KCNIP4: variants seen among roughly 807,000 people sequenced by gnomAD.
KCNIP4 encodes the protein Kv channel-interacting protein 4.
A neutral mutation model predicts 34.0 loss-of-function variants in KCNIP4; 12 were observed. The observed-to-expected ratio is 0.35, with a 90% confidence interval of 0.23 to 0.57. The LOEUF (loss-of-function observed/expected upper bound fraction) is 0.57, where lower values mean the gene tolerates loss of function less well. Among genes scored for constraint, KCNIP4 ranks in the 20% least tolerant of loss-of-function variants. KCNIP4 has a pLI of 0.83. For synonymous variants in KCNIP4, 124 were observed against 102.2 expected (o/e 1.21, Z -1.29); for missense variants, 238 against 311.7 (o/e 0.76, Z 1.78).
intron 1 of KCNIP4, among the ~76,000 whole-genome samples, chr4:21,094,300 T>G (rs1455627432): frequency 6.6e-6 from 1 of 152,074 alleles, no homozygotes; most frequent in African/African-American, 2.4e-5. Flanking sequence ...ACAGAAAAAT[T>G]ACAACTTCCT....
Position 21,291,909 on chromosome 4 carries a change from AAG to A in KCNIP4, c.62-409202_62-409201del, listed in dbSNP as rs1175251036. On this transcript the variant is annotated intron_variant, in intron 1 of 8. Coordinates refer to ENST00000382152, the MANE Select transcript of KCNIP4 (RefSeq NM_025221.6). Reference sequence around the variant, plus strand: ...AAAGAAAGAAAGAAAGAAAGAAAGAAAGAAAGAAAGAAAGAAAGAAAGAAAGA... The same window carrying A: ...AAAGAAAGAAAGAAAGAAAGAAAGAAAAAGAAAGAAAGAAAGAAAGAAAGA... Among the ~76,000 whole-genome samples the A allele has an allele frequency of 8.9e-5, 8 of 90,010 alleles. 1 individual carries two copies. Among genetic ancestry groups the A allele is most frequent in the South Asian group, 3.8e-4 (1 of 2,630 alleles). 59.1% of individuals were successfully genotyped at this position (90,010 alleles called of 152,430 possible).
chr4:21,558,347 C>T (rs1739240160), intron 1 of KCNIP4, among the ~76,000 whole-genome samples: 1 of 152,022 alleles, frequency 6.6e-6, no homozygotes. Flanking sequence ...CAAAAATCAG[C>T]CAGGTGTGGT....
chr4:21,305,464 G>A (rs13108702), intron 1 of KCNIP4, among the ~76,000 whole-genome samples: 8,299 of 152,190 alleles, frequency 0.055, 294 homozygotes, highest in Middle Eastern at 0.12. Context: ...CTACCACCTC[G>A]GGTGCTTTTC....
intron 1 of KCNIP4, among the ~76,000 whole-genome samples, chr4:21,271,107 T>A (rs1762121186): frequency 6.6e-6 from 1 of 152,118 alleles, no homozygotes; most frequent in Non-Finnish European, 1.5e-5. Context: ...AAGAGAAGGA[T>A]CTTGGTCTAA....
chr4:21,681,124 G>A (rs1302572206), intron 1 of KCNIP4, among the ~76,000 whole-genome samples: 1 of 151,854 alleles, frequency 6.6e-6, no homozygotes, highest in East Asian at 1.9e-4. Flanking sequence ...CACCCAGGTG[G>A]GGTGCAGTGG....
At chr4:20,975,553 G>GA (rs1280752004) in intron 1 of KCNIP4, among the ~76,000 whole-genome samples, 6 of 152,034 alleles carry the variant, frequency 3.9e-5, no homozygotes, top group African/African-American at 1.4e-4. Context: ...TCATTTTATT[G>GA]AAAAAACGCA....
chr4:21,333,441 A>G (rs1390933298), intron 1 of KCNIP4, among the ~76,000 whole-genome samples: 2 of 152,076 alleles, frequency 1.3e-5, no homozygotes, highest in Non-Finnish European at 2.9e-5. Flanking sequence ...ATATATATCT[A>G]TAAATTCATA....
At chr4:21,528,772 A>AAAGAAAGAAAGAAAGAAAGG (rs1736338787) in intron 1 of KCNIP4, among the ~76,000 whole-genome samples, 1 of 11,310 alleles carries the variant, frequency 8.8e-5, no homozygotes, top group African/African-American at 3.6e-4. Flanking sequence ...AGAAAGAAAG[A>AAAGAAAGAAAGAAAGAAAGG]AAGAAAGGAA....
intron 1 of KCNIP4, among the ~76,000 whole-genome samples, chr4:21,727,975 A>G (rs2109105914): frequency 6.6e-6 from 1 of 152,302 alleles, no homozygotes; most frequent in Admixed American, 6.5e-5. Flanking sequence ...ACTTTTTCAC[A>G]TAGTATCTAA....
chr4:21,041,222 T>C lies in KCNIP4; in HGVS notation c.62-158513A>G, dbSNP rs569353610. Among the ~76,000 whole-genome samples the C allele has an allele frequency of 2.1e-5, 3 of 142,638 alleles. No homozygotes were observed. In the East Asian group the frequency reaches 6.1e-4, roughly 29 times the overall value. 93.6% of individuals were successfully genotyped at this position (142,638 alleles called of 152,430 possible). ...GATACAGTTGGCTCTCAGTGAATGA[T>C]ATATATTTCACACACACACACACAC... On this transcript the variant is annotated intron_variant, in intron 1 of 8. Transcript: ENST00000382152.
At chr4:21,610,239 T>C (rs954387000) in intron 1 of KCNIP4, among the ~76,000 whole-genome samples, 2 of 152,216 alleles carry the variant, frequency 1.3e-5, no homozygotes, top group Non-Finnish European at 2.9e-5. Flanking sequence ...AGGCTAGACA[T>C]CCAAAATCAA....
rs202226776 is a variant in KCNIP4 at position 20,958,713 on chromosome 4, A to T, written c.62-76004T>A. ...GTTACAGAACCACGTAAAGAGCTCTACTATTTGGGAGATATGCAAACCTCT... is the reference window on the plus strand; with the variant it reads ...GTTACAGAACCACGTAAAGAGCTCTTCTATTTGGGAGATATGCAAACCTCT... On this transcript the variant is annotated intron_variant, in intron 1 of 8. Coordinates refer to ENST00000382152, the MANE Select transcript of KCNIP4 (RefSeq NM_025221.6). 7.9e-5 allele frequency among the ~76,000 whole-genome samples: 12 copies of T among 152,328 alleles called. No homozygotes were observed. The East Asian group carries it at 9.6e-4, about 12-fold the overall frequency.
At chr4:21,022,933 C>T (rs1330735503) in intron 1 of KCNIP4, among the ~76,000 whole-genome samples, 1 of 152,034 alleles carries the variant, frequency 6.6e-6, no homozygotes, top group African/African-American at 2.4e-5. Context: ...TCAAGCAATT[C>T]CGCCTCAGCC....
At chr4:21,535,075 T>C (rs1737037292) in intron 1 of KCNIP4, among the ~76,000 whole-genome samples, 1 of 152,080 alleles carries the variant, frequency 6.6e-6, no homozygotes, top group African/African-American at 2.4e-5. Flanking sequence ...CTGCGCAAAC[T>C]TATTAACTAC....
intron 1 of KCNIP4, among the ~76,000 whole-genome samples, chr4:21,033,956 T>C (rs1483801757): frequency 6.6e-6 from 1 of 152,198 alleles, no homozygotes; most frequent in Non-Finnish European, 1.5e-5. Context: ...AATGAATTTA[T>C]GTTAAAAATA....
At chr4:21,050,043 A>G (rs959563792) in intron 1 of KCNIP4, among the ~76,000 whole-genome samples, 1 of 152,180 alleles carries the variant, frequency 6.6e-6, no homozygotes, top group Non-Finnish European at 1.5e-5. Context: ...TTGTTTTCCT[A>G]TTAGTTGCAA....
intron 1 of KCNIP4, among the ~76,000 whole-genome samples, chr4:21,616,314 C>G (rs549298192): frequency 6.6e-6 from 1 of 152,088 alleles, no homozygotes; most frequent in South Asian, 2.1e-4. Flanking sequence ...TCAATCCTTC[C>G]CCTCCCACCC....
At chr4:21,269,440 C>T (rs545863682) in intron 1 of KCNIP4, among the ~76,000 whole-genome samples, 21 of 152,158 alleles carry the variant, frequency 1.4e-4, no homozygotes, top group African/African-American at 4.6e-4. Context: ...GGGTCTCAGT[C>T]CAATGTCCAG....
At position 21,492,185 on chromosome 4, in the gene KCNIP4, A is replaced by T. The variant is rs138916468; in HGVS notation, c.61+456386T>A. On this transcript the variant is annotated intron_variant, in intron 1 of 8. Transcript: ENST00000382152. Reference sequence around the variant, plus strand: ...TCTATTGATACAAGTCATTTTACTAACTCATTCCTCAAGAATTTCCTTGAG... The same window carrying T: ...TCTATTGATACAAGTCATTTTACTATCTCATTCCTCAAGAATTTCCTTGAG... Among the ~76,000 whole-genome samples, 1,373 of 152,178 alleles carry T rather than the reference A, an allele frequency of 9.0e-3. 12 individuals carry two copies. Among genetic ancestry groups the T allele is most frequent in the Middle Eastern group, 0.027 (8 of 294 alleles).
Sources: allele counts gnomAD v4.1 joint callset (sites outside exome capture counted in the v4.1 genomes callset), GRCh38; gene constraint gnomAD v4.1.1; transcripts MANE v1.5; gene names NCBI Gene and HGNC (gene_info 2026-07-23, HGNC 2026-07-21).